Variants in ARMC3 observed in about 807,000 individuals in gnomAD.
ARMC3 encodes the protein armadillo repeat containing 3.
In ARMC3, 74 loss-of-function variants were observed where a neutral mutation model predicts 90.3. The observed-to-expected ratio is 0.82, with a 90% CI of 0.68 to 0.99. ARMC3 has a LOEUF of 0.99. Ranked by LOEUF, ARMC3 falls within the 50% of genes least tolerant of loss-of-function variation. The pLI, the probability that ARMC3 is intolerant of heterozygous loss-of-function variation, is 0.00. For missense variants in ARMC3, 958 were observed against 1,042.8 expected (o/e 0.92, Z 1.12); for synonymous variants, 334 against 361.8 (o/e 0.92, Z 0.87).
intron 7 of ARMC3, among the ~76,000 whole-genome samples, chr10:22,966,596 A>AT (rs1835449911): frequency 6.6e-6 from 1 of 152,186 alleles, no homozygotes; most frequent in African/African-American, 2.4e-5. Context: ...GCATGTGTAT[A>AT]TGGGTGTATT....
chr10:22,946,081 T>G (rs1834514847), intron 2 of ARMC3, 63 bp from the exon 3 acceptor site: 2 of 1,195,874 alleles, frequency 1.7e-6, no homozygotes, highest in Admixed American at 4.3e-5. Flanking sequence ...TAAGACCCAT[T>G]CATTTTTAAT....
intron 16 of ARMC3, among the ~76,000 whole-genome samples, chr10:23,024,499 C>G (rs2131546501): frequency 6.6e-6 from 1 of 152,190 alleles, no homozygotes; most frequent in Non-Finnish European, 1.5e-5. Flanking sequence ...ATGATTGAAA[C>G]AAAATGTATA....
In ARMC3 at chr10:22,940,983, G is replaced by A. The variant is rs1326580041; in HGVS notation, c.49-5161G>A. Among the ~76,000 whole-genome samples the A allele has an allele frequency of 6.6e-5, 10 of 152,164 alleles. No individual in the cohort carries two copies. The East Asian group carries it at 9.6e-4, about 15-fold the overall frequency. Reference sequence around the variant, plus strand: ...CAACAGTTGAATGGATAAACAAATCGTGATATACAATGGGATACTACTCAG... The same window carrying A: ...CAACAGTTGAATGGATAAACAAATCATGATATACAATGGGATACTACTCAG... On this transcript the variant is annotated intron_variant, in intron 2 of 18. Transcript: ENST00000298032.
At chr10:22,987,285 C>CT (rs1836492771) in intron 10 of ARMC3, among the ~76,000 whole-genome samples, 1 of 152,186 alleles carries the variant, frequency 6.6e-6, no homozygotes, top group Non-Finnish European at 1.5e-5. Context: ...GACTTATTCT[C>CT]TGAGGAGCAG....
chr10:22,933,196 C>T (rs991126845), intron 2 of ARMC3, among the ~76,000 whole-genome samples: 1 of 152,124 alleles, frequency 6.6e-6, no homozygotes, highest in Non-Finnish European at 1.5e-5. Flanking sequence ...ACATTGTGAT[C>T]TCATGATGTT....
In ARMC3 at chr10:22,998,404, A is replaced by C. The variant is rs1213779228; in HGVS notation, c.1425+7A>C. 3.7e-6 allele frequency: 6 copies of C among 1,613,374 alleles called. No individual in the cohort carries two copies. In the Admixed American group the frequency reaches 6.7e-5, roughly 18 times the overall value. ...CGTTGAAGCCCGGACTGAGGTGAGAATTTTAATAACATGTGTTCTCTCATT... is the reference window on the plus strand; with the variant it reads ...CGTTGAAGCCCGGACTGAGGTGAGACTTTTAATAACATGTGTTCTCTCATT... On this transcript the variant is annotated splice_region_variant and intron_variant, in intron 11 of 18. Coordinates refer to ENST00000298032, the MANE Select transcript of ARMC3 (RefSeq NM_173081.5).
intron 8 of ARMC3, among the ~76,000 whole-genome samples, chr10:22,979,572 A>G (rs1836095838): frequency 6.6e-6 from 1 of 152,176 alleles, no homozygotes; most frequent in South Asian, 2.1e-4. Flanking sequence ...TTCCTGATAG[A>G]ATCCATGCTA....
chr10:23,031,792 T>C (rs1439393690), intron 17 of ARMC3, among the ~76,000 whole-genome samples: 1 of 152,140 alleles, frequency 6.6e-6, no homozygotes. Flanking sequence ...CAGAGATATG[T>C]CCCCATGGCT....
chr10:22,930,975 T>G (rs1310898076), intron 1 of ARMC3, among the ~76,000 whole-genome samples: 4 of 152,116 alleles, frequency 2.6e-5, no homozygotes, highest in Non-Finnish European at 5.9e-5. Flanking sequence ...TTGCCCAGGC[T>G]GGAATGCAGT....
intron 16 of ARMC3, among the ~76,000 whole-genome samples, chr10:23,010,234 C>G (rs564959450): frequency 5.9e-4 from 87 of 146,868 alleles, no homozygotes; most frequent in Admixed American, 1.0e-3. Flanking sequence ...CTTCCCTCCT[C>G]TCTCCCTTCC....
intron 16 of ARMC3, among the ~76,000 whole-genome samples, chr10:23,009,221 A>C (rs1341862839): frequency 6.6e-6 from 1 of 152,234 alleles, no homozygotes; most frequent in African/African-American, 2.4e-5. Context: ...AGCAGTCTCT[A>C]ATCAGTCCTT....
intron 2 of ARMC3, 91 bp from the exon 3 acceptor site, chr10:22,946,053 T>C: frequency 1.1e-6 from 1 of 924,752 alleles, no homozygotes. Flanking sequence ...TTTGCAAGAT[T>C]ACATTTTCTT....
chr10:23,006,170 G>T (rs1341126942), intron 13 of ARMC3, among the ~76,000 whole-genome samples: 1 of 152,146 alleles, frequency 6.6e-6, no homozygotes, highest in Non-Finnish European at 1.5e-5. Flanking sequence ...TTTGGCATGT[G>T]CTAGGCACAG....
At chr10:22,931,692 G>A (rs1833937751) in intron 1 of ARMC3, among the ~76,000 whole-genome samples, 1 of 152,132 alleles carries the variant, frequency 6.6e-6, no homozygotes, top group South Asian at 2.1e-4. Flanking sequence ...TCATAAGCAA[G>A]CTATAAAAAT....
chr10:23,001,817 A>C, intron 11 of ARMC3, 102 bp from the exon 12 acceptor site: 1 of 1,314,746 alleles, frequency 7.6e-7, no homozygotes, highest in South Asian at 1.6e-5. Flanking sequence ...GCATTTTTAC[A>C]TAGTTAAAAC....
chr10:23,003,181 T>C, intron 12 of ARMC3, 65 bp from the exon 13 acceptor site: 1 of 1,450,992 alleles, frequency 6.9e-7, no homozygotes, highest in Non-Finnish European at 9.3e-7. Context: ...AGTCGGTATA[T>C]AAGTGGAGAC....
chr10:23,037,241 C>G, intron 18 of ARMC3, 29 bp from the exon 19 acceptor site: 1 of 1,551,154 alleles, frequency 6.4e-7, no homozygotes. Flanking sequence ...CCGCACCACC[C>G]TTGGTTGATC....
chr10:22,975,729 G>A (rs1835892857), intron 8 of ARMC3, among the ~76,000 whole-genome samples: 1 of 152,050 alleles, frequency 6.6e-6, no homozygotes, highest in African/African-American at 2.4e-5. Context: ...CCTCTCCACT[G>A]TCTCCACTAC....
chr10:22,976,072 T>A (rs1158978967), intron 8 of ARMC3, among the ~76,000 whole-genome samples: 1 of 152,190 alleles, frequency 6.6e-6, no homozygotes, highest in Non-Finnish European at 1.5e-5. Flanking sequence ...TTTCCCATAA[T>A]GCAGTATTGC....
Sources: allele counts gnomAD v4.1 joint callset (sites outside exome capture counted in the v4.1 genomes callset), GRCh38; gene constraint gnomAD v4.1.1; transcripts MANE v1.5; gene names NCBI Gene and HGNC (gene_info 2026-07-23, HGNC 2026-07-21).